The following TRPM1 variants were observed in gnomAD, a reference collection of about 807,000 sequenced individuals.
TRPM1 encodes the protein transient receptor potential cation channel subfamily M member 1, also known as TRPM1-203 APA Isoform, Intron 10.
A neutral mutation model predicts 149.4 loss-of-function variants in TRPM1; 113 were observed. That is an observed-to-expected ratio of 0.76 (90% confidence interval 0.65 to 0.88). The LOEUF is 0.88. TRPM1 is among the 40% of genes least tolerant of loss of function. TRPM1 has a pLI of 0.00. For synonymous variants in TRPM1, 741 were observed against 759.5 expected (o/e 0.98, Z 0.40); for missense variants, 1,976 against 2,038.7 (o/e 0.97, Z 0.59).
At chr15:31,110,534 G>T (rs1381983754) in intron 1 of TRPM1, among the ~76,000 whole-genome samples, 1 of 152,238 alleles carries the variant, frequency 6.6e-6, no homozygotes, top group East Asian at 1.9e-4. Context: ...GGAAGGCAGA[G>T]GGTCTTCCTG....
In TRPM1 at chr15:31,026,147, A is replaced by G. The variant is rs1455544595; in HGVS notation, c.3621T>C (p.Thr1207=). The change falls in exon 27 of 28, where the codon ACT becomes ACC. Residue 1207 remains threonine (T), a synonymous_variant. Transcript: ENST00000256552. ...GGGGACGCTACACGTACCTTTCAGA[A>G]GTGACCCGGATGCGCTCGTCGCTGG... ...QSSSDERIRV[T]SERVENMSMR... 1.9e-6 allele frequency: 3 copies of G among 1,611,792 alleles called. No individual in the cohort carries two copies. Among genetic ancestry groups the G allele is most frequent in the Non-Finnish European group, 2.5e-6 (3 of 1,180,036 alleles).
At chr15:31,047,846 TG>T in intron 14 of TRPM1, 42 bp downstream of exon 14, 2 of 1,521,218 alleles carry the variant, frequency 1.3e-6, no homozygotes, top group South Asian at 1.1e-5. Context: ...AATGATTTTG[TG>T]AAAGATGCCA....
chr15:31,101,597 C>T, intron 1 of TRPM1, 60 bp downstream of exon 1: 2 of 960,356 alleles, frequency 2.1e-6, no homozygotes, highest in Non-Finnish European at 2.5e-6. Flanking sequence ...AGTTTACCCA[C>T]ACCTGAGGAT....
Position 31,062,585 on chromosome 15 carries a change from T to A in TRPM1, c.1083A>T (p.Lys361Asn). The change falls in exon 9 of 28, where the codon AAA becomes AAT. Residue 361 changes from lysine to asparagine, a missense_variant. Around this residue, in one of 3 missense-constraint regions of TRPM1, gnomAD observed 1,332 missense variants for 1,347.1 expected, o/e 0.99. Transcript: ENST00000256552. ...FAIIMECMKK[K>N]ELVTVFRMGS... ...ATAAATTCAAGACACTTACGAGTTC[T>A]TTCTTCTTCATGCACTCCATTATAA... 1 of 1,614,194 alleles carries A rather than the reference T, an allele frequency of 6.2e-7. No homozygotes were observed. The highest frequency in any genetic ancestry group is 1.7e-5 in the Admixed American group (1 of 60,038).
At chr15:31,137,255 G>A (rs1002369379) in intron 1 of TRPM1, among the ~76,000 whole-genome samples, 2 of 152,138 alleles carry the variant, frequency 1.3e-5, no homozygotes, top group Non-Finnish European at 2.9e-5. Context: ...CAATGGTGAG[G>A]TCTCAGAGCA....
intron 1 of TRPM1, among the ~76,000 whole-genome samples, chr15:31,156,610 C>A (rs190725605): frequency 3.3e-5 from 5 of 152,294 alleles, no homozygotes; most frequent in Admixed American, 3.3e-4. Context: ...GCCACCCTCC[C>A]CACAATATGT....
At chr15:31,046,798 G>C (rs903080971) in intron 15 of TRPM1, among the ~76,000 whole-genome samples, 3 of 152,220 alleles carry the variant, frequency 2.0e-5, no homozygotes, top group African/African-American at 7.2e-5. Context: ...CCCTTGCTTT[G>C]GAAGATTATG....
intron 3 of TRPM1, among the ~76,000 whole-genome samples, chr15:31,074,462 GTTATCTAAT>G: frequency 6.7e-6 from 1 of 149,390 alleles, no homozygotes. Context: ...TTTCATCTAA[GTTATCTAAT>G]TTGTTTGCAT....
chr15:31,116,615 A>AAATG (rs1379301317), intron 1 of TRPM1, among the ~76,000 whole-genome samples: 1 of 131,090 alleles, frequency 7.6e-6, no homozygotes, highest in Non-Finnish European at 1.5e-5. Flanking sequence ...ATAAATAAAT[A>AAATG]AATAAATAAA....
chr15:31,013,884 C>A (rs1159578203), intron 27 of TRPM1, among the ~76,000 whole-genome samples: 3 of 152,296 alleles, frequency 2.0e-5, no homozygotes, highest in Admixed American at 1.3e-4. Context: ...TTAGAGATTT[C>A]CTTAAATGTG....
chr15:31,126,475 T>C (rs2035952865), intron 1 of TRPM1, among the ~76,000 whole-genome samples: 1 of 152,124 alleles, frequency 6.6e-6, no homozygotes, highest in Admixed American at 6.5e-5. Flanking sequence ...CCACTCCTCT[T>C]CCTTTCACAA....
chr15:31,104,616 C>T (rs752554517), upstream of TRPM1, among the ~76,000 whole-genome samples: 4 of 105,034 alleles, frequency 3.8e-5, no homozygotes, highest in African/African-American at 7.7e-5. Flanking sequence ...TTTTTTGAGA[C>T]GGAGTCTTGC....
At chr15:31,105,515 T>A (rs1294560325), upstream of TRPM1, among the ~76,000 whole-genome samples, 3 of 152,200 alleles carry the variant, frequency 2.0e-5, no homozygotes, top group African/African-American at 4.8e-5. Flanking sequence ...TGCATCATGA[T>A]AATTTTCAAT....
Position 31,002,783 on chromosome 15 carries a change from A to C in TRPM1, c.3917T>G (p.Phe1306Cys). 1 of 1,614,140 alleles carries C rather than the reference A, an allele frequency of 6.2e-7. No homozygotes were observed. Among genetic ancestry groups the C allele is most frequent in the Non-Finnish European group, 8.5e-7 (1 of 1,179,998 alleles). The change falls in exon 28 of 28, where the codon TTT becomes TGT. Residue 1306 changes from phenylalanine to cysteine, a missense_variant. By Grantham distance (205) the Phe-to-Cys change is radical. Coordinates refer to ENST00000256552, the MANE Select transcript of TRPM1 (RefSeq NM_001252024.2). ...RYHFNGEELL[F>C]EDTSLSTSPG... Reference sequence around the variant, plus strand: ...TGACGTGGAGAGAGATGTATCCTCAAATAATAACTCTTCTCCGTTAAAATG... The same window carrying C: ...TGACGTGGAGAGAGATGTATCCTCACATAATAACTCTTCTCCGTTAAAATG...
intron 1 of TRPM1, among the ~76,000 whole-genome samples, chr15:31,114,605 T>C (rs867932206): frequency 1.3e-5 from 2 of 152,186 alleles, no homozygotes; most frequent in Non-Finnish European, 2.9e-5. Context: ...TTATCTTCTA[T>C]ACAGCAGACT....
intron 2 of TRPM1, among the ~76,000 whole-genome samples, chr15:31,080,663 AC>A (rs2034832869): frequency 7.4e-5 from 1 of 13,534 alleles, no homozygotes; most frequent in African/African-American, 3.1e-4. Flanking sequence ...CCGCCCCCTC[AC>A]CCCGCCCCCT....
At chr15:31,127,315 G>C (rs1313417240) in intron 1 of TRPM1, among the ~76,000 whole-genome samples, 1 of 152,194 alleles carries the variant, frequency 6.6e-6, no homozygotes, top group African/African-American at 2.4e-5. Flanking sequence ...GTGCAATTCA[G>C]AGTGGCCAAA....
At chr15:31,090,296 G>A (rs939041493) in intron 1 of TRPM1, among the ~76,000 whole-genome samples, 5 of 152,018 alleles carry the variant, frequency 3.3e-5, no homozygotes, top group African/African-American at 9.7e-5. Flanking sequence ...GGCTGTCCCC[G>A]GGATTCTTGC....
At chr15:31,012,275 T>C (rs565531681) in intron 27 of TRPM1, among the ~76,000 whole-genome samples, 1 of 152,344 alleles carries the variant, frequency 6.6e-6, no homozygotes, top group Admixed American at 6.5e-5. Context: ...TGAAAAACTA[T>C]CTTTAGTATC....
Sources: allele counts gnomAD v4.1 joint callset (sites outside exome capture counted in the v4.1 genomes callset), GRCh38; gene constraint gnomAD v4.1.1; regional missense constraint gnomAD v4.1.1; transcripts MANE v1.5; gene names NCBI Gene and HGNC (gene_info 2026-07-23, HGNC 2026-07-21).